SAMD12: variants seen among roughly 807,000 people sequenced by gnomAD.
SAMD12 encodes the protein sterile alpha motif domain-containing protein 12.
SAMD12 carries 9 observed loss-of-function variants against 15.0 expected under a neutral mutation model. That is an observed-to-expected ratio of 0.60 (90% confidence interval 0.36 to 1.05). The LOEUF (loss-of-function observed/expected upper bound fraction) is 1.05, where lower values mean the gene tolerates loss of function less well. Ranked by LOEUF, SAMD12 falls within the 50% of genes least tolerant of loss-of-function variation. The pLI, the probability that SAMD12 is intolerant of heterozygous loss-of-function variation, is 0.01. For missense variants in SAMD12, 230 were observed against 234.2 expected, an observed-to-expected ratio of 0.98 and a Z score of 0.12; for synonymous variants, 86 against 90.1, an observed-to-expected ratio of 0.96 and a Z score of 0.25.
In SAMD12 at chr8:118,378,798, T is replaced by C. The variant is rs1819514493; in HGVS notation, c.*619A>G. On this transcript the variant is annotated 3_prime_UTR_variant, in exon 4 of 4. Coordinates refer to ENST00000314727, the MANE Select transcript of SAMD12 (RefSeq NM_207506.3). ...CTCATGTAGACATATCAGTTACATA[T>C]AGTGTAACTTAAGGCTTTCTTCGAA... 1.0e-6 allele frequency: 1 copy of C among 982,146 alleles called. No homozygotes were observed. The highest frequency in any genetic ancestry group is 1.2e-6 in the Non-Finnish European group (1 of 826,994). 60.8% of individuals were successfully genotyped at this position (982,146 alleles called of 1,614,324 possible).
At chr8:118,461,579 C>T (rs1187765921) in intron 2 of SAMD12, among the ~76,000 whole-genome samples, 1 of 152,028 alleles carries the variant, frequency 6.6e-6, no homozygotes, top group Non-Finnish European at 1.5e-5. Flanking sequence ...TACGTATGTA[C>T]ATACGTAAAA....
chr8:118,433,640 C>T (rs7812733), intron 3 of SAMD12, among the ~76,000 whole-genome samples: 88,594 of 151,952 alleles, frequency 0.58, 26,772 homozygotes, highest in Admixed American at 0.66. Context: ...AATGGCTCTA[C>T]TGGAAAATTA....
intron 2 of SAMD12, among the ~76,000 whole-genome samples, chr8:118,455,631 C>T (rs912181889): frequency 6.6e-6 from 1 of 152,220 alleles, no homozygotes; most frequent in East Asian, 1.9e-4. Context: ...CTTTAATTCC[C>T]TCTCCATCTT....
chr8:118,391,578 T>C lies in SAMD12; in HGVS notation c.323-11878A>G, dbSNP rs570641778. The stretch of plus-strand genomic sequence containing the variant: ...TGCCAAAGAGAACAGGCACTGGGCA[T>C]GCTGGTTCCTACATGTGAATCAATT... On this transcript the variant is annotated intron_variant, in intron 3 of 3. Coordinates refer to ENST00000314727, the MANE Select transcript of SAMD12 (RefSeq NM_207506.3). 6.6e-5 allele frequency among the ~76,000 whole-genome samples: 10 copies of C among 152,364 alleles called. No individual in the cohort carries two copies. The South Asian group carries it at 1.9e-3, about 28-fold the overall frequency.
At chr8:118,308,568 C>T (rs1815461400) in intron 4 of SAMD12, among the ~76,000 whole-genome samples, 2 of 152,276 alleles carry the variant, frequency 1.3e-5, no homozygotes, top group South Asian at 2.1e-4. Context: ...GGCATCAGGG[C>T]CATCATCACA....
At chr8:118,196,237 A>G (rs1006708668) in exon 5 of SAMD12, 2 of 152,212 alleles carry the variant, frequency 1.3e-5, no homozygotes, top group African/African-American at 4.8e-5. Flanking sequence ...TAAAACACCA[A>G]GCTTGCTTGC....
At chr8:118,175,039 A>C in the SAMD12 span, among the ~76,000 whole-genome samples, 1 of 146,832 alleles carries the variant, frequency 6.8e-6, no homozygotes, top group East Asian at 2.0e-4. Flanking sequence ...AAAAACAAAA[A>C]AAAAAAAACA....
At chr8:118,262,149 C>T (rs1272516356) in intron 4 of SAMD12, among the ~76,000 whole-genome samples, 1 of 151,988 alleles carries the variant, frequency 6.6e-6, no homozygotes, top group African/African-American at 2.4e-5. Flanking sequence ...AACAGCCACT[C>T]ACTACTTGTC....
chr8:118,391,929 A>G (rs1027166249), intron 3 of SAMD12, among the ~76,000 whole-genome samples: 1 of 151,756 alleles, frequency 6.6e-6, no homozygotes, highest in Non-Finnish European at 1.5e-5. Context: ...ATGCATTAGG[A>G]AAGTTCTGGT....
rs543362370 is a variant in SAMD12 at position 118,340,856 on chromosome 8, G to T, written c.433+38704C>A. ...AACATTATGACCCAAATTCCTATAG[G>T]AGCCAGGATGTAAAACAATTGAAGT... On this transcript the variant is annotated intron_variant, in intron 4 of 4. Transcript: ENST00000409003. Among the ~76,000 whole-genome samples, 123 of 152,244 alleles carry T rather than the reference G, an allele frequency of 8.1e-4. 2 individuals are homozygous for T. Among genetic ancestry groups the T allele is most frequent in the Admixed American group, 1.8e-3 (28 of 15,298 alleles).
At chr8:118,419,999 G>C (rs1821920262) in intron 3 of SAMD12, among the ~76,000 whole-genome samples, 1 of 152,326 alleles carries the variant, frequency 6.6e-6, no homozygotes, top group Non-Finnish European at 1.5e-5. Context: ...TTGGAGAAGA[G>C]AGAGGCTGAC....
At chr8:118,219,912 C>T (rs983474235) in intron 4 of SAMD12, among the ~76,000 whole-genome samples, 1 of 152,224 alleles carries the variant, frequency 6.6e-6, no homozygotes. Flanking sequence ...TATAATAAAA[C>T]AGTTGTTATG....
chr8:118,232,995 G>C (rs998502371), intron 4 of SAMD12, among the ~76,000 whole-genome samples: 31 of 152,248 alleles, frequency 2.0e-4, no homozygotes, highest in African/African-American at 7.0e-4. Flanking sequence ...CAGAGAAACC[G>C]ATCAGAGCAT....
At chr8:118,385,824 T>C (rs1489567011) in intron 3 of SAMD12, among the ~76,000 whole-genome samples, 1 of 152,204 alleles carries the variant, frequency 6.6e-6, no homozygotes, top group Non-Finnish European at 1.5e-5. Context: ...AAATTACTTA[T>C]ATCAGAAAAG....
chr8:118,469,917 C>G (rs1823743092), intron 2 of SAMD12, among the ~76,000 whole-genome samples: 1 of 151,946 alleles, frequency 6.6e-6, no homozygotes, highest in Non-Finnish European at 1.5e-5. Context: ...AAATTACATT[C>G]AAAAGAAGCC....
chr8:118,140,673 G>T, the SAMD12 span, among the ~76,000 whole-genome samples: 1 of 152,136 alleles, frequency 6.6e-6, no homozygotes, highest in Non-Finnish European at 1.5e-5. Context: ...CAGAGAAACT[G>T]GCACTCCACA....
At chr8:118,320,198 G>C (rs1816159127) in intron 4 of SAMD12, among the ~76,000 whole-genome samples, 1 of 152,226 alleles carries the variant, frequency 6.6e-6, no homozygotes, top group Non-Finnish European at 1.5e-5. Context: ...GAGGACTACA[G>C]TGATATTAGA....
intron 3 of SAMD12, among the ~76,000 whole-genome samples, chr8:118,408,888 A>T (rs1427271988): frequency 1.3e-5 from 2 of 152,256 alleles, no homozygotes; most frequent in African/African-American, 4.8e-5. Flanking sequence ...AACTTAGCTA[A>T]TTATTGAAAA....
the SAMD12 span, among the ~76,000 whole-genome samples, chr8:118,156,563 C>T: frequency 6.6e-6 from 1 of 152,130 alleles, no homozygotes; most frequent in Non-Finnish European, 1.5e-5. Flanking sequence ...TTTTAACTGG[C>T]TGAAATACTA....
Sources: allele counts gnomAD v4.1 joint callset (sites outside exome capture counted in the v4.1 genomes callset), GRCh38; gene constraint gnomAD v4.1.1; transcripts MANE v1.5; gene names NCBI Gene and HGNC (gene_info 2026-07-23, HGNC 2026-07-21).